TRHDE: variants seen among roughly 807,000 people sequenced by gnomAD.
TRHDE encodes the protein thyrotropin-releasing hormone-degrading ectoenzyme.
In TRHDE, 72 loss-of-function variants were observed where a neutral mutation model predicts 125.7. The observed-to-expected ratio is 0.57, with a 90% CI of 0.47 to 0.70. TRHDE has a LOEUF of 0.70. Among genes scored for constraint, TRHDE ranks in the 30% least tolerant of loss-of-function variants. The pLI is 0.00. For synonymous variants in TRHDE, 509 were observed against 509.1 expected (o/e 1.00, Z 0.00); for missense variants, 1,110 against 1,327.1 (o/e 0.84, Z 2.54).
intron 3 of TRHDE, among the ~76,000 whole-genome samples, chr12:72,434,332 C>T (rs1330698470): frequency 2.7e-5 from 4 of 149,616 alleles, no homozygotes; most frequent in Non-Finnish European, 5.9e-5. Flanking sequence ...TTGCAGTTAG[C>T]CAAGATGGCA....
intron 3 of TRHDE, among the ~76,000 whole-genome samples, chr12:72,441,623 T>A (rs958226599): frequency 6.6e-6 from 1 of 151,882 alleles, no homozygotes; most frequent in African/African-American, 2.4e-5. Flanking sequence ...AATCATAAAA[T>A]ATAAGTAATA....
intron 7 of TRHDE, among the ~76,000 whole-genome samples, chr12:72,542,593 A>C (rs1869211213): frequency 6.6e-6 from 1 of 151,394 alleles, no homozygotes; most frequent in African/African-American, 2.4e-5. Context: ...TTTAAATTGA[A>C]GTAATTTTAA....
intron 6 of TRHDE, among the ~76,000 whole-genome samples, chr12:72,515,730 A>G (rs1428661258): frequency 7.9e-5 from 12 of 151,610 alleles, no homozygotes; most frequent in East Asian, 1.9e-4. Context: ...CCTATGTCCT[A>G]AATGGTAATG....
intron 1 of TRHDE, among the ~76,000 whole-genome samples, chr12:72,097,474 A>G (rs932254231): frequency 1.7e-4 from 15 of 90,694 alleles, no homozygotes; most frequent in East Asian, 1.6e-3. Flanking sequence ...TTTTAGACAG[A>G]GTTTTGCTCT....
At chr12:72,406,974 G>A (rs1000246458) in intron 3 of TRHDE, among the ~76,000 whole-genome samples, 5 of 152,130 alleles carry the variant, frequency 3.3e-5, no homozygotes, top group Admixed American at 1.3e-4. Context: ...AGGGCAGTTC[G>A]CTTCCCATGC....
chr12:72,489,200 A>C lies in TRHDE; in HGVS notation c.1585-10298A>C, dbSNP rs555470038. 1.5e-4 allele frequency among the ~76,000 whole-genome samples: 23 copies of C among 151,346 alleles called. No homozygotes were observed. The East Asian group carries it at 4.3e-3, about 28-fold the overall frequency. On this transcript the variant is annotated intron_variant, in intron 5 of 18. Coordinates refer to ENST00000261180, the MANE Select transcript of TRHDE (RefSeq NM_013381.3). ...AATGGAAAAACCATAGAAAAAATCA[A>C]TAAGACTTAGAGATTTTTTTTGAAA... is the stretch of plus-strand genomic sequence containing the variant.
intron 6 of TRHDE, among the ~76,000 whole-genome samples, chr12:72,530,054 C>T (rs1319377729): frequency 2.0e-5 from 3 of 152,100 alleles, no homozygotes; most frequent in East Asian, 1.9e-4. Flanking sequence ...ATGTTGGTCA[C>T]GTTGAGCTGT....
chr12:72,231,195 A>G (rs1878239852), intron 2 of TRHDE, among the ~76,000 whole-genome samples: 1 of 152,178 alleles, frequency 6.6e-6, no homozygotes, highest in Admixed American at 6.6e-5. Context: ...GAAAATTAAA[A>G]AAAAATCAGC....
chr12:72,516,655 G>A (rs1213651964), intron 6 of TRHDE, among the ~76,000 whole-genome samples: 1 of 151,358 alleles, frequency 6.6e-6, no homozygotes, highest in Non-Finnish European at 1.5e-5. Flanking sequence ...CTGCCTAATT[G>A]CCCTGGCCAG....
At chr12:72,411,635 C>G (rs1324307715) in intron 3 of TRHDE, among the ~76,000 whole-genome samples, 1 of 152,014 alleles carries the variant, frequency 6.6e-6, no homozygotes, top group Non-Finnish European at 1.5e-5. Context: ...TTCAATTCAA[C>G]AAGCTTGTTC....
At chr12:72,616,411 A>C (rs1239744534) in intron 12 of TRHDE, among the ~76,000 whole-genome samples, 1 of 152,144 alleles carries the variant, frequency 6.6e-6, no homozygotes, top group Non-Finnish European at 1.5e-5. Context: ...TTTCTGGACT[A>C]TAATGGGTGT....
intron 3 of TRHDE, among the ~76,000 whole-genome samples, chr12:72,439,175 T>A (rs1373878076): frequency 2.6e-5 from 4 of 151,738 alleles, no homozygotes; most frequent in Non-Finnish European, 1.5e-5. Flanking sequence ...TTTTTCCCCT[T>A]AGTACCATAC....
rs1467483159 is a variant in TRHDE, at chr12:72,238,297, TATATATATATATATATATATATATAC to T, written n.279+132557_279+132582del. Reference sequence around the variant, plus strand: ...CTTAATATATATATATATATATATATATATATATATATATATATATATATACATATATATATACACATTATATATAT... The same window carrying T: ...CTTAATATATATATATATATATATATATATATATATACACATTATATATAT... On this transcript the variant is annotated intron_variant and non_coding_transcript_variant, in intron 2 of 4. Transcript: ENST00000548156. Among the ~76,000 whole-genome samples, 18 of 31,040 alleles carry T rather than the reference TATATATATATATATATATATATATAC, an allele frequency of 5.8e-4. 2 individuals carry two copies. The highest frequency in any genetic ancestry group is 1.6e-3 in the African/African-American group (15 of 9,612). The allele number at this position is 31,040 out of a possible 152,430, so 20.4% of individuals were successfully genotyped here.
At chr12:72,477,761 G>A (rs541953538) in intron 5 of TRHDE, among the ~76,000 whole-genome samples, 20 of 152,254 alleles carry the variant, frequency 1.3e-4, no homozygotes, top group African/African-American at 4.6e-4. Flanking sequence ...TTAAAATACT[G>A]CAATGGAGAA....
chr12:72,604,402 C>G (rs191213907), intron 12 of TRHDE, among the ~76,000 whole-genome samples: 1 of 151,492 alleles, frequency 6.6e-6, no homozygotes, highest in Admixed American at 6.6e-5. Flanking sequence ...GATTTTATCA[C>G]TTTATCATCT....
In TRHDE at chr12:72,131,041, A is replaced by C. The variant is rs1875847148; in HGVS notation, n.279+25289A>C. On this transcript the variant is annotated intron_variant and non_coding_transcript_variant, in intron 2 of 4. Transcript: ENST00000548156. The stretch of plus-strand genomic sequence containing the variant: ...TACGATGTCTGTTTCTATTGTTTCT[A>C]TATTTCTTGTACTACTTAATGTAAT... Among the ~76,000 whole-genome samples, 4 of 140,990 alleles carry C rather than the reference A, an allele frequency of 2.8e-5. No homozygotes were observed. In the South Asian group the frequency reaches 7.0e-4, roughly 25 times the overall value. 92.5% of individuals were successfully genotyped at this position (140,990 alleles called of 152,430 possible).
At chr12:72,295,434 G>A (rs1880258470) in intron 2 of TRHDE, among the ~76,000 whole-genome samples, 1 of 152,156 alleles carries the variant, frequency 6.6e-6, no homozygotes, top group Non-Finnish European at 1.5e-5. Context: ...TCAACCTCAT[G>A]GATGGGAATA....
chr12:72,652,578 A>G, intron 16 of TRHDE, 89 bp downstream of exon 16: 2 of 949,516 alleles, frequency 2.1e-6, no homozygotes, highest in South Asian at 1.8e-5. Flanking sequence ...TTACTTGAAT[A>G]TATGCTAGTT....
rs765161157 is a variant in TRHDE at position 72,370,677 on chromosome 12, A to AT, written c.1189-7314dup. Among the ~76,000 whole-genome samples the AT allele has an allele frequency of 4.0e-5, 6 of 151,872 alleles. No homozygotes were observed. In the East Asian group the frequency reaches 1.2e-3, roughly 29 times the overall value. ...GTGATTTTTCTGAAATGTGAAACTAATTTTATCATGTTCTGGCTTAATATC... is the reference window on the plus strand; with the variant it reads ...GTGATTTTTCTGAAATGTGAAACTAATTTTTATCATGTTCTGGCTTAATATC... On this transcript the variant is annotated intron_variant, in intron 2 of 18. Transcript: ENST00000261180.
Sources: allele counts gnomAD v4.1 joint callset (sites outside exome capture counted in the v4.1 genomes callset), GRCh38; gene constraint gnomAD v4.1.1; transcripts MANE v1.5; gene names NCBI Gene and HGNC (gene_info 2026-07-23, HGNC 2026-07-21).